The following SPTLC1 variants were observed in gnomAD, a reference collection of about 807,000 sequenced individuals.
SPTLC1 encodes the protein serine palmitoyltransferase 1.
In SPTLC1, 55 loss-of-function variants were observed where a neutral mutation model predicts 68.9. The ratio of observed to expected loss-of-function variants is 0.80; its 90% CI spans 0.64 to 1.00. The LOEUF is 1.00. Among genes scored for constraint, SPTLC1 ranks in the 50% least tolerant of loss-of-function variants. The pLI, the probability that SPTLC1 is intolerant of heterozygous loss-of-function variation, is 0.00. For missense variants in SPTLC1, 449 were observed against 573.1 expected, an observed-to-expected ratio of 0.78 and a Z score of 2.21; for synonymous variants, 197 against 201.6, an observed-to-expected ratio of 0.98 and a Z score of 0.19.
rs376799813 is a variant in SPTLC1 at position 92,112,581 on chromosome 9, C to G, written c.58-19G>C. 3.1e-5 allele frequency: 46 copies of G among 1,506,294 alleles called. No homozygotes were observed. The highest frequency in any genetic ancestry group is 4.0e-5 in the Non-Finnish European group (44 of 1,092,308). The allele number at this position is 1,506,294 out of a possible 1,614,324, so 93.3% of individuals were successfully genotyped here. A position where few individuals can be genotyped will look rare whatever the true frequency, so the allele number is the denominator to read the frequency against. ...CAGGAGCCTAAGAGTGAGTCAAAAA[C>G]AAGTAAGATATGAAACATACACTTC... On this transcript the variant is annotated intron_variant, in intron 1 of 14. Transcript: ENST00000262554.
intron 12 of SPTLC1, among the ~76,000 whole-genome samples, chr9:92,042,680 TC>T (rs1445070851): frequency 6.6e-6 from 1 of 152,146 alleles, no homozygotes; most frequent in Non-Finnish European, 1.5e-5. Flanking sequence ...TTAATGCAGT[TC>T]CAATTAAGAT....
At chr9:92,061,026 G>A (rs550466275) in intron 6 of SPTLC1, among the ~76,000 whole-genome samples, 11 of 152,146 alleles carry the variant, frequency 7.2e-5, no homozygotes, top group African/African-American at 2.6e-4. Context: ...AATAAAAGAC[G>A]TAACATTTGT....
At chr9:92,047,473 G>C in intron 10 of SPTLC1, 140 bp downstream of exon 10, 2 of 745,526 alleles carry the variant, frequency 2.7e-6, no homozygotes, top group Non-Finnish European at 4.6e-6. Context: ...GAAATATTTT[G>C]AGTGATTCTT....
At chr9:92,089,415 A>G (rs1019503469) in intron 3 of SPTLC1, among the ~76,000 whole-genome samples, 1 of 152,194 alleles carries the variant, frequency 6.6e-6, no homozygotes, top group Non-Finnish European at 1.5e-5. Context: ...TTCTATCTCA[A>G]AAACAAAAAC....
At chr9:92,049,161 C>T (rs1264955205) in intron 9 of SPTLC1, among the ~76,000 whole-genome samples, 1 of 152,188 alleles carries the variant, frequency 6.6e-6, no homozygotes, top group African/African-American at 2.4e-5. Context: ...CTCTGCTTTA[C>T]ATTTTTCTCT....
At chr9:92,051,045 T>C (rs967293636) in intron 8 of SPTLC1, 1 of 985,250 alleles carries the variant, frequency 1.0e-6, no homozygotes, top group Non-Finnish European at 1.2e-6. Context: ...CCATTAGCAC[T>C]GCTTCATTAC....
At chr9:92,050,103 A>G in intron 8 of SPTLC1, 36 bp from the exon 9 acceptor site, 1 of 1,269,626 alleles carries the variant, frequency 7.9e-7, no homozygotes, top group Non-Finnish European at 1.2e-6. Flanking sequence ...ACTAATGATT[A>G]GCACCATATA....
intron 3 of SPTLC1, among the ~76,000 whole-genome samples, chr9:92,086,999 T>A (rs1234709929): frequency 6.6e-6 from 1 of 152,248 alleles, no homozygotes; most frequent in East Asian, 1.9e-4. Flanking sequence ...CATTTCATCT[T>A]CCATCGCTGA....
chr9:92,066,245 C>G (rs1466356282), intron 6 of SPTLC1, among the ~76,000 whole-genome samples: 1 of 152,032 alleles, frequency 6.6e-6, no homozygotes, highest in African/African-American at 2.4e-5. Flanking sequence ...GTGTGTGTGT[C>G]TGTGTGTGGG....
Position 92,108,757 on chromosome 9 carries a change from G to A in SPTLC1, c.243C>T (p.Asn81=), listed in dbSNP as rs1836103544. 9 of 1,606,732 alleles carry A rather than the reference G, an allele frequency of 5.6e-6. No individual in the cohort carries two copies. Among genetic ancestry groups the A allele is most frequent in the Non-Finnish European group, 7.7e-6 (9 of 1,176,152 alleles). Residue 81 remains asparagine (N), a synonymous_variant, in exon 3 of 15, where the codon AAC becomes AAT. Coordinates refer to ENST00000262554, the MANE Select transcript of SPTLC1 (RefSeq NM_006415.4). ...CAATTTACCCTGAAACGATGTTGTA[G>A]TTGAGAGCAGGATGGTCTTTTGGGA... The part of the protein sequence containing the change: ...PPVPKDHPAL[N]YNIVSGPPSH...
intron 1 of SPTLC1, among the ~76,000 whole-genome samples, chr9:92,114,686 G>A (rs1836374422): frequency 6.6e-6 from 1 of 150,494 alleles, no homozygotes; most frequent in Non-Finnish European, 1.5e-5. Flanking sequence ...AGTGAGCCGA[G>A]ATCACGCCCT....
At chr9:92,063,406 C>T (rs1298279794) in intron 6 of SPTLC1, among the ~76,000 whole-genome samples, 1 of 152,032 alleles carries the variant, frequency 6.6e-6, no homozygotes, top group Non-Finnish European at 1.5e-5. Flanking sequence ...TCTCCAGGCC[C>T]AGATGGTTTC....
intron 3 of SPTLC1, among the ~76,000 whole-genome samples, chr9:92,104,260 C>T (rs569233262): frequency 6.6e-6 from 1 of 152,296 alleles, no homozygotes; most frequent in East Asian, 1.9e-4. Context: ...GCCACGCCAC[C>T]GGCAACCTGC....
chr9:92,050,340 A>G, intron 8 of SPTLC1: 1 of 396,870 alleles, frequency 2.5e-6, no homozygotes, highest in South Asian at 2.3e-5. Flanking sequence ...CGACTGTTTC[A>G]GCTCTGATCC....
intron 7 of SPTLC1, among the ~76,000 whole-genome samples, chr9:92,057,980 T>C (rs756628738): frequency 3.9e-5 from 6 of 152,206 alleles, no homozygotes; most frequent in Non-Finnish European, 8.8e-5. Flanking sequence ...TTTTCCAAAT[T>C]TATACAATAC....
Position 92,050,811 on chromosome 9 carries a change from AT to A in SPTLC1, c.781-745del, listed in dbSNP as rs370967911. 357 of 104,944 alleles carry A rather than the reference AT, an allele frequency of 3.4e-3. 5 individuals are homozygous for A. Among genetic ancestry groups the A allele is most frequent in the African/African-American group, 6.9e-3 (145 of 21,080 alleles). The allele number at this position is 104,944 out of a possible 1,614,324, so 6.5% of individuals were successfully genotyped here. The stretch of plus-strand genomic sequence containing the variant: ...CTTAACAAAAGACAGCACAATACTG[AT>A]TTTTTTTTTTTTTTTTTTGAGACAG... On this transcript the variant is annotated intron_variant, in intron 8 of 14. Coordinates refer to ENST00000262554, the MANE Select transcript of SPTLC1 (RefSeq NM_006415.4).
Position 92,081,268 on chromosome 9 carries a change from G to A in SPTLC1, c.261-305C>T, listed in dbSNP as rs1405847604. On this transcript the variant is annotated intron_variant, in intron 3 of 14. Coordinates refer to ENST00000262554, the MANE Select transcript of SPTLC1 (RefSeq NM_006415.4). ...TTGGTTTTAAAACTCGCTTAAGAATGAAGCTGCTAAATAAAGTATCTCAGA... is the reference window on the plus strand; with the variant it reads ...TTGGTTTTAAAACTCGCTTAAGAATAAAGCTGCTAAATAAAGTATCTCAGA... 1.3e-5 allele frequency among the ~76,000 whole-genome samples: 2 copies of A among 152,196 alleles called. 1 individual carries two copies. The highest frequency in any genetic ancestry group is 4.8e-5 in the African/African-American group (2 of 41,452).
chr9:92,098,796 G>T (rs1478152593), intron 3 of SPTLC1, among the ~76,000 whole-genome samples: 1 of 152,138 alleles, frequency 6.6e-6, no homozygotes, highest in African/African-American at 2.4e-5. Flanking sequence ...GCAGAACAGA[G>T]AAAGGAAATT....
Position 92,050,037 on chromosome 9 carries a change from T to G in SPTLC1, c.811A>C (p.Ile271Leu), listed in dbSNP as rs944769022. The change falls in exon 9 of 15, where the codon ATC becomes CTC. Residue 271 changes from isoleucine (I) to leucine (L), a missense_variant. By Grantham distance (5) the Ile-to-Leu change is conservative. Transcript: ENST00000262554. Reference protein sequence around the residue: ...VKLKYKYKARIFLEESLSFGV... With the variant: ...VKLKYKYKARLFLEESLSFGV... ...AATGAAAGGCTTTCCTCCAGGAAGA[T>G]TCTTGCTTTGTATTTGTATTTTAAC... 7 of 1,613,596 alleles carry G rather than the reference T, an allele frequency of 4.3e-6. No individual in the cohort carries two copies. Among genetic ancestry groups the G allele is most frequent in the Non-Finnish European group, 5.9e-6 (7 of 1,179,598 alleles).
Sources: gnomAD v4.1 joint callset for allele counts (sites outside exome capture counted in the v4.1 genomes callset) on GRCh38, gnomAD v4.1.1 for gene constraint, MANE v1.5 for transcripts, NCBI Gene and HGNC (gene_info 2026-07-23, HGNC 2026-07-21) for gene names.